Variants in MAN2A1 observed in about 807,000 individuals in gnomAD.
MAN2A1 encodes the protein alpha-mannosidase 2.
A neutral mutation model predicts 142.6 loss-of-function variants in MAN2A1; 76 were observed. The ratio of observed to expected loss-of-function variants is 0.53; its 90% CI spans 0.44 to 0.65. MAN2A1 has a LOEUF of 0.65. Among genes scored for constraint, MAN2A1 ranks in the 30% least tolerant of loss-of-function variants. The pLI is 0.00. For synonymous variants in MAN2A1, 559 were observed against 473.2 expected (o/e 1.18, Z -2.35); for missense variants, 1,311 against 1,365.1 (o/e 0.96, Z 0.62).
chr5:109,847,077 C>T (rs6870652), intron 18 of MAN2A1, among the ~76,000 whole-genome samples: 101,344 of 151,924 alleles, frequency 0.67, 34,297 homozygotes, highest in East Asian at 0.91. Flanking sequence ...AATATTGATA[C>T]AATTTTTTAA....
chr5:109,708,547 T>C (rs6877790), intron 1 of MAN2A1, among the ~76,000 whole-genome samples: 43,938 of 99,218 alleles, frequency 0.44, 7,537 homozygotes, highest in East Asian at 0.72. Context: ...CACACACACA[T>C]GAGAAGGGAG....
At chr5:109,833,108 G>A (rs1480297820) in intron 16 of MAN2A1, among the ~76,000 whole-genome samples, 1 of 150,998 alleles carries the variant, frequency 6.6e-6, no homozygotes, top group African/African-American at 2.4e-5. Context: ...TATCTCAGAC[G>A]ATGGGTGGCC....
chr5:109,770,598 C>A, intron 7 of MAN2A1, 57 bp downstream of exon 7: 1 of 1,494,632 alleles, frequency 6.7e-7, no homozygotes, highest in Non-Finnish European at 9.2e-7. Context: ...CACTTAGCTG[C>A]TAGTTGCTGA....
intron 3 of MAN2A1, among the ~76,000 whole-genome samples, chr5:109,727,572 A>G (rs1026013646): frequency 1.3e-5 from 2 of 152,208 alleles, no homozygotes; most frequent in African/African-American, 2.4e-5. Context: ...GGTAACCAAT[A>G]TATGTTTTAA....
chr5:109,746,265 G>A (rs1205903139), intron 4 of MAN2A1, among the ~76,000 whole-genome samples: 5 of 152,258 alleles, frequency 3.3e-5, no homozygotes, highest in Middle Eastern at 3.4e-3. Flanking sequence ...GTGAACCACC[G>A]CGTCTGGCCT....
chr5:109,842,409 C>A lies in MAN2A1; in HGVS notation c.2648C>A (p.Ser883Tyr), dbSNP rs1327082550. ...VYNREIAMKI[S>Y]SDIKSQNRFY... is the part of the protein sequence containing the mutation. Reference sequence around the variant, plus strand: ...AACCGTGAGATTGCAATGAAAATTTCTTCTGATATAAAAAGCCAAAATAGA... The same window carrying A: ...AACCGTGAGATTGCAATGAAAATTTATTCTGATATAAAAAGCCAAAATAGA... Residue 883 changes from serine to tyrosine, a missense_variant, in exon 17 of 22, where the codon TCT (serine) becomes TAT (tyrosine). Physicochemically the swap from Ser to Tyr is moderately radical, Grantham distance 144. Coordinates refer to ENST00000261483, the MANE Select transcript of MAN2A1 (RefSeq NM_002372.4). The A allele has an allele frequency of 4.4e-6, 7 of 1,586,270 alleles. No homozygotes were observed. In the Admixed American group the frequency reaches 1.2e-4, roughly 27 times the overall value.
intron 5 of MAN2A1, among the ~76,000 whole-genome samples, chr5:109,762,455 T>C (rs568842451): frequency 6.0e-4 from 91 of 152,286 alleles, no homozygotes; most frequent in African/African-American, 2.0e-3. Context: ...TCATTTGTTC[T>C]TTTTCTACAA....
Position 109,690,549 on chromosome 5 carries a change from T to G in MAN2A1, c.132T>G (p.Pro44=). Residue 44 remains proline, a synonymous_variant, in exon 1 of 22, where the codon CCT becomes CCG. Transcript: ENST00000261483. ...PRNPRREGSF[P]QGQLSMLQEK... ...ACCCGCGCCGCGAGGGCTCCTTCCC[T>G]CAGGTAAGCACCTGGGAAGGGGGCG... 6.2e-7 allele frequency: 1 copy of G among 1,600,222 alleles called. No individual in the cohort carries two copies. The highest frequency in any genetic ancestry group is 8.5e-7 in the Non-Finnish European group (1 of 1,173,406).
intron 6 of MAN2A1, among the ~76,000 whole-genome samples, chr5:109,768,979 T>G (rs1046291623): frequency 1.3e-5 from 2 of 152,230 alleles, no homozygotes; most frequent in African/African-American, 4.8e-5. Context: ...ATAGGGAAAT[T>G]CCAGTCTAAT....
At chr5:109,832,789 G>A (rs190012047) in intron 16 of MAN2A1, among the ~76,000 whole-genome samples, 3,907 of 151,920 alleles carry the variant, frequency 0.026, 175 homozygotes, top group African/African-American at 0.089. Context: ...CCTCCCTCCC[G>A]GACGGGGCGG....
At chr5:109,723,744 G>A (rs1440353833) in intron 3 of MAN2A1, among the ~76,000 whole-genome samples, 3 of 151,972 alleles carry the variant, frequency 2.0e-5, no homozygotes, top group Admixed American at 1.3e-4. Context: ...CACCATATTT[G>A]CATCATGTAC....
intron 13 of MAN2A1, 39 bp downstream of exon 13, chr5:109,817,477 A>G: frequency 6.3e-7 from 1 of 1,595,246 alleles, no homozygotes; most frequent in Non-Finnish European, 8.6e-7. Context: ...GCATTGTAAA[A>G]CAAACCTAGC....
In MAN2A1 at chr5:109,803,048, G is replaced by A. The variant is rs572094775; in HGVS notation, c.1943+13521G>A. 2.0e-5 allele frequency among the ~76,000 whole-genome samples: 3 copies of A among 152,140 alleles called. No homozygotes were observed. The South Asian group carries it at 6.2e-4, about 32-fold the overall frequency. ...CACATTGATTTTTAAGTGATATGCA[G>A]TGTGGGATTTGCCTTAGTGCTTTAA... On this transcript the variant is annotated intron_variant, in intron 12 of 21. Coordinates refer to ENST00000261483, the MANE Select transcript of MAN2A1 (RefSeq NM_002372.4).
At chr5:109,819,219 A>C (rs1449064778) in intron 13 of MAN2A1, among the ~76,000 whole-genome samples, 1 of 152,228 alleles carries the variant, frequency 6.6e-6, no homozygotes, top group Non-Finnish European at 1.5e-5. Context: ...TGTTCTGAGT[A>C]CATGAAAGGT....
chr5:109,790,256 A>G (rs942825270), intron 12 of MAN2A1, among the ~76,000 whole-genome samples: 1 of 151,914 alleles, frequency 6.6e-6, no homozygotes, highest in African/African-American at 2.4e-5. Flanking sequence ...CAATTATAGG[A>G]TAAAACAATA....
At chr5:109,863,011 C>T (rs1471541205) in intron 20 of MAN2A1, 4 of 152,042 alleles carry the variant, frequency 2.6e-5, no homozygotes, top group African/African-American at 7.2e-5. Flanking sequence ...TTTTTGTCCC[C>T]TTCTGTTGCT....
intron 20 of MAN2A1, among the ~76,000 whole-genome samples, chr5:109,858,473 T>C (rs1325881477): frequency 2.0e-5 from 3 of 152,224 alleles, no homozygotes; most frequent in South Asian, 4.1e-4. Context: ...AATGAATAAG[T>C]ACAGAAGCCA....
At position 109,736,470 on chromosome 5, in the gene MAN2A1, T is replaced by C. The variant is rs559704401; in HGVS notation, c.707+6957T>C. On this transcript the variant is annotated intron_variant, in intron 4 of 21. Coordinates refer to ENST00000261483, the MANE Select transcript of MAN2A1 (RefSeq NM_002372.4). The stretch of plus-strand genomic sequence containing the variant: ...AATTGGAGGCTATAGTGAGCTGTGA[T>C]CATGCCCCTGCACTCCAGCCTGGGT... Among the ~76,000 whole-genome samples the C allele has an allele frequency of 2.0e-3, 311 of 152,242 alleles. 2 individuals are homozygous for C. Among genetic ancestry groups the C allele is most frequent in the African/African-American group, 7.1e-3 (295 of 41,558 alleles).
intron 12 of MAN2A1, among the ~76,000 whole-genome samples, chr5:109,805,395 A>G (rs1011961838): frequency 7.2e-5 from 11 of 152,218 alleles, no homozygotes; most frequent in African/African-American, 2.7e-4. Flanking sequence ...ATGGTCTTAG[A>G]AATGCTTTTT....
Sources: allele counts gnomAD v4.1 joint callset (sites outside exome capture counted in the v4.1 genomes callset), GRCh38; gene constraint gnomAD v4.1.1; transcripts MANE v1.5; gene names NCBI Gene and HGNC (gene_info 2026-07-23, HGNC 2026-07-21).